Variants in TCERG1 observed in about 807,000 individuals in gnomAD.
TCERG1 encodes TATA box binding protein (TBP)-associated factor, RNA polymerase II, S, 150kD.
Under a neutral mutation model 144.7 loss-of-function variants are expected in TCERG1, and 37 were observed. The observed-to-expected ratio is 0.26, with a 90% CI of 0.20 to 0.34. The LOEUF (loss-of-function observed/expected upper bound fraction) is 0.34. TCERG1 is among the 10% of genes least tolerant of loss of function. TCERG1 has a pLI of 1.00. For missense variants in TCERG1, 1,027 were observed against 1,380.7 expected, an observed-to-expected ratio of 0.74 and a Z score of 4.06; for synonymous variants, 492 against 458.2, an observed-to-expected ratio of 1.07 and a Z score of -0.94.
At chr5:146,502,805 CT>C (rs892548020) in intron 17 of TCERG1, among the ~76,000 whole-genome samples, 6 of 151,994 alleles carry the variant, frequency 3.9e-5, no homozygotes, top group African/African-American at 9.7e-5. Flanking sequence ...GTACAGCTGC[CT>C]TTTTTTCACC....
At chr5:146,500,935 A>G (rs1281312304) in intron 17 of TCERG1, among the ~76,000 whole-genome samples, 1 of 151,912 alleles carries the variant, frequency 6.6e-6, no homozygotes, top group Non-Finnish European at 1.5e-5. Context: ...TTGAGCCCAA[A>G]CAGTCAAGGT....
intron 1 of TCERG1, among the ~76,000 whole-genome samples, chr5:146,453,963 C>T (rs1162159209): frequency 3.3e-5 from 5 of 150,570 alleles, no homozygotes; most frequent in Middle Eastern, 3.4e-3. Context: ...TTTGGGAGGC[C>T]GAGGAGGGCA....
chr5:146,458,653 T>C (rs1763043541), intron 3 of TCERG1, among the ~76,000 whole-genome samples: 1 of 151,724 alleles, frequency 6.6e-6, no homozygotes, highest in South Asian at 2.1e-4. Context: ...TTTTATATTT[T>C]TAGTAGAGAT....
Position 146,480,030 on chromosome 5 carries a change from A to G in TCERG1, c.1822A>G (p.Lys608Glu). Reference protein sequence around the residue: ...QKWQFSMSAIKEEQELMEEIN... With the variant: ...QKWQFSMSAIEEEQELMEEIN... ...TTTAATTAAATTTTGTCTTATAGTTAAAGAGGAACAAGAATTAATGGAAGA... is the reference window on the plus strand; with the variant it reads ...TTTAATTAAATTTTGTCTTATAGTTGAAGAGGAACAAGAATTAATGGAAGA... Residue 608 changes from lysine to glutamate, a missense_variant and splice_region_variant, in exon 12 of 23, where the codon AAA becomes GAA. Lys to Glu is a moderately conservative substitution (Grantham distance 56). Coordinates refer to ENST00000679501, the MANE Select transcript of TCERG1 (RefSeq NM_001382548.1). The G allele has an allele frequency of 6.3e-7, 1 of 1,599,976 alleles. No individual in the cohort carries two copies. The highest frequency in any genetic ancestry group is 8.5e-7 in the Non-Finnish European group (1 of 1,173,982).
In TCERG1 at chr5:146,507,714, G is replaced by C; in HGVS notation, c.2962-159G>C. The C allele has an allele frequency of 2.1e-6, 1 of 486,756 alleles. No individual in the cohort carries two copies. The highest frequency in any genetic ancestry group is 3.6e-6 in the Non-Finnish European group (1 of 280,002). The allele number at this position is 486,756 out of a possible 1,614,324, so 30.2% of individuals were successfully genotyped here. ...TGTGGCAAGCCAACAAAAAGAAATT[G>C]CATTAACGCTGCTTCCCTGTCCCTA... On this transcript the variant is annotated intron_variant, in intron 20 of 22. Coordinates refer to ENST00000679501, the MANE Select transcript of TCERG1 (RefSeq NM_001382548.1). This position sits in a 1 kb window ranked among gnomAD's most constrained non-coding sequence, Gnocchi z 4.6.
chr5:146,467,057 TA>T (rs1763856508), intron 5 of TCERG1, among the ~76,000 whole-genome samples: 1 of 152,236 alleles, frequency 6.6e-6, no homozygotes, highest in Non-Finnish European at 1.5e-5. Context: ...AAATTATACA[TA>T]TAACTTTATT....
Position 146,507,789 on chromosome 5 carries a change from A to T in TCERG1, c.2962-84A>T. 1.2e-6 allele frequency: 1 copy of T among 841,498 alleles called. No homozygotes were observed. Among genetic ancestry groups the T allele is most frequent in the South Asian group, 1.8e-5 (1 of 54,806 alleles). 52.1% of individuals were successfully genotyped at this position (841,498 alleles called of 1,614,324 possible). ...TACAAGAGATCGCAGGTCAGTGTGT[A>T]ATATTATGTACCTATGTGCTGCAGT... On this transcript the variant is annotated intron_variant, in intron 20 of 22. Transcript: ENST00000679501. This position sits in a 1 kb window ranked among gnomAD's most constrained non-coding sequence, Gnocchi z 4.6.
At chr5:146,481,434 G>C (rs1765356678) in intron 13 of TCERG1, 1 of 152,888 alleles carries the variant, frequency 6.5e-6, no homozygotes, top group Non-Finnish European at 1.5e-5. Flanking sequence ...TGTTTGTTTT[G>C]TGCATATCTT....
chr5:146,452,796 T>G (rs1428431524), intron 1 of TCERG1, among the ~76,000 whole-genome samples: 1 of 152,174 alleles, frequency 6.6e-6, no homozygotes, highest in Non-Finnish European at 1.5e-5. Context: ...TTCACCATGT[T>G]GTCCAGGTTG....
chr5:146,460,176 T>C (rs546860029), intron 4 of TCERG1, among the ~76,000 whole-genome samples: 4 of 152,220 alleles, frequency 2.6e-5, no homozygotes, highest in East Asian at 1.9e-4. Context: ...TTTTCAGGTG[T>C]AAACTCACAG....
intron 1 of TCERG1, among the ~76,000 whole-genome samples, chr5:146,453,872 T>C (rs180934060): frequency 2.3e-3 from 355 of 152,154 alleles, no homozygotes; most frequent in African/African-American, 8.0e-3. Context: ...AACATTGACA[T>C]ATCTGAAGAA....
At chr5:146,458,333 C>T (rs982380406) in intron 3 of TCERG1, among the ~76,000 whole-genome samples, 12 of 151,492 alleles carry the variant, frequency 7.9e-5, no homozygotes, top group South Asian at 2.1e-4. Flanking sequence ...CCTGCCATCA[C>T]GTCTAGCTAA....
At chr5:146,450,474 A>G (rs1762257762) in intron 1 of TCERG1, among the ~76,000 whole-genome samples, 1 of 152,220 alleles carries the variant, frequency 6.6e-6, no homozygotes, top group Non-Finnish European at 1.5e-5. Flanking sequence ...AATAGCTAAC[A>G]TTACTAATAT....
intron 9 of TCERG1, among the ~76,000 whole-genome samples, chr5:146,474,476 A>C (rs942553736): frequency 6.6e-6 from 1 of 152,190 alleles, no homozygotes; most frequent in African/African-American, 2.4e-5. Context: ...ATATTACATA[A>C]ACTTGGTGGA....
intron 5 of TCERG1, among the ~76,000 whole-genome samples, chr5:146,467,885 T>A (rs1256549847): frequency 6.6e-6 from 1 of 152,238 alleles, no homozygotes; most frequent in Non-Finnish European, 1.5e-5. Context: ...TCTGCATGGT[T>A]GTACTCCATG....
chr5:146,499,246 G>A (rs1348137244), intron 17 of TCERG1, among the ~76,000 whole-genome samples: 1 of 152,170 alleles, frequency 6.6e-6, no homozygotes, highest in East Asian at 1.9e-4. Flanking sequence ...CCAGTGGTGT[G>A]TGAACCATCA....
Position 146,509,232 on chromosome 5 carries a change from T to C in TCERG1, c.3133T>C (p.Phe1045Leu). 6.2e-7 allele frequency: 1 copy of C among 1,606,548 alleles called. No homozygotes were observed. The highest frequency in any genetic ancestry group is 8.5e-7 in the Non-Finnish European group (1 of 1,175,200). ...DFRTLLKETKFITYRSKKLIQ... is the reference protein window; with the variant it reads ...DFRTLLKETKLITYRSKKLIQ... ...CAGGACGCTTTTGAAAGAGACCAAATTTATAACATATAGGTGTGTGCAATG... is the reference window on the plus strand; with the variant it reads ...CAGGACGCTTTTGAAAGAGACCAAACTTATAACATATAGGTGTGTGCAATG... Residue 1045 changes from phenylalanine to leucine, a missense_variant, in exon 22 of 23, where the codon TTT (phenylalanine) becomes CTT (leucine). By Grantham distance (22) the Phe-to-Leu change is conservative. Transcript: ENST00000679501.
chr5:146,488,765 T>C (rs1261970386), intron 15 of TCERG1, among the ~76,000 whole-genome samples: 1 of 152,168 alleles, frequency 6.6e-6, no homozygotes, highest in African/African-American at 2.4e-5. Context: ...TGAAGAGATA[T>C]CTGTACCCTA....
intron 8 of TCERG1, among the ~76,000 whole-genome samples, chr5:146,471,072 A>T (rs1175276495): frequency 6.6e-6 from 1 of 152,240 alleles, no homozygotes; most frequent in Non-Finnish European, 1.5e-5. Context: ...GATATATTTT[A>T]TCTGTCCTTT....
Sources: allele counts gnomAD v4.1 joint callset (sites outside exome capture counted in the v4.1 genomes callset), GRCh38; gene constraint gnomAD v4.1.1; non-coding constraint Gnocchi (gnomAD v3.1); transcripts MANE v1.5; gene names NCBI Gene and HGNC (gene_info 2026-07-23, HGNC 2026-07-21).